ATP6V0A4: variants seen among roughly 807,000 people sequenced by gnomAD.
ATP6V0A4 encodes ATPase H+ transporting V0 subunit a4, also known as V-type proton ATPase 116 kDa subunit a 4.
In ATP6V0A4, 86 loss-of-function variants were observed where a neutral mutation model predicts 107.3. The observed-to-expected ratio is 0.80, with a 90% CI of 0.67 to 0.96. The LOEUF is 0.96. ATP6V0A4 is among the 40% of genes least tolerant of loss of function. ATP6V0A4 has a pLI of 0.00. For synonymous variants in ATP6V0A4, 353 were observed against 381.4 expected (o/e 0.93, Z 0.87); for missense variants, 908 against 1,045.6 (o/e 0.87, Z 1.81).
chr7:138,727,349 C>T (rs1001898307), intron 18 of ATP6V0A4, among the ~76,000 whole-genome samples: 7 of 152,108 alleles, frequency 4.6e-5, no homozygotes, highest in African/African-American at 1.7e-4. Flanking sequence ...GTATTTGCCA[C>T]CCTCTTTGAA....
chr7:138,743,838 C>A (rs566796535), intron 14 of ATP6V0A4, among the ~76,000 whole-genome samples: 1 of 152,296 alleles, frequency 6.6e-6, no homozygotes, highest in South Asian at 2.1e-4. Flanking sequence ...GTGGGAATCT[C>A]AGGTACGTGA....
rs755143856 is a variant in ATP6V0A4, at chr7:138,752,685, G to A, written c.969C>T (p.Ala323=). The A allele has an allele frequency of 7.4e-6, 12 of 1,613,806 alleles. No homozygotes were observed. Among genetic ancestry groups the A allele is most frequent in the Middle Eastern group, 3.3e-4 (2 of 6,064 alleles). Residue 323 remains alanine, a synonymous_variant, in exon 11 of 22, where the codon GCC becomes GCT. Transcript: ENST00000310018. Reference sequence around the variant, plus strand: ...CATCTGCCACCGGGAACCAGATCTCGGCGATGACACACTGCTGGGTGACGT... The same window carrying A: ...CATCTGCCACCGGGAACCAGATCTCAGCGATGACACACTGCTGGGTGACGT... ...NIDVTQQCVI[A]EIWFPVADAT...
At chr7:138,748,735 A>T (rs565458460) in intron 12 of ATP6V0A4, among the ~76,000 whole-genome samples, 46 of 152,282 alleles carry the variant, frequency 3.0e-4, no homozygotes, top group Non-Finnish European at 5.9e-4. Flanking sequence ...CCAAGGTAGC[A>T]AGATTCCACA....
intron 17 of ATP6V0A4, among the ~76,000 whole-genome samples, chr7:138,730,261 C>T (rs981602158): frequency 6.6e-6 from 1 of 152,124 alleles, no homozygotes; most frequent in Non-Finnish European, 1.5e-5. Flanking sequence ...CTAGTACCCG[C>T]ACACAATGCT....
chr7:138,736,080 A>G (rs1435640533), intron 15 of ATP6V0A4, among the ~76,000 whole-genome samples: 1 of 146,258 alleles, frequency 6.8e-6, no homozygotes, highest in Non-Finnish European at 1.5e-5. Context: ...AAACAAACAA[A>G]CAAACAAACA....
intron 19 of ATP6V0A4, among the ~76,000 whole-genome samples, chr7:138,717,984 GA>G (rs1357932487): frequency 1.7e-5 from 1 of 58,518 alleles, no homozygotes; most frequent in Non-Finnish European, 3.5e-5. Context: ...AAAGATCAAA[GA>G]AGCTAGAGCA....
intron 3 of ATP6V0A4, 143 bp downstream of exon 3, chr7:138,770,988 C>A (rs1807352362): frequency 2.1e-6 from 2 of 932,872 alleles, no homozygotes; most frequent in African/African-American, 3.2e-5. Context: ...GCCAGAAGCA[C>A]TAAAACTACA....
chr7:138,722,731 T>G (rs1427098369), intron 18 of ATP6V0A4, among the ~76,000 whole-genome samples: 1 of 100,408 alleles, frequency 1.0e-5, no homozygotes, highest in Non-Finnish European at 1.8e-5. Flanking sequence ...GGCGACAGAG[T>G]GAGACTCCAT....
At chr7:138,756,032 G>T (rs1806495746) in intron 9 of ATP6V0A4, 3 of 636,982 alleles carry the variant, frequency 4.7e-6, no homozygotes, top group South Asian at 1.9e-5. Flanking sequence ...CCTGTGAGTT[G>T]CTGGGTAAAT....
chr7:138,771,028 T>C (rs2117337429), intron 3 of ATP6V0A4, 103 bp downstream of exon 3: 2 of 1,167,014 alleles, frequency 1.7e-6, no homozygotes, highest in Middle Eastern at 2.1e-4. Flanking sequence ...TCACGGCTCC[T>C]CTCCCTACAA....
intron 2 of ATP6V0A4, among the ~76,000 whole-genome samples, chr7:138,774,809 C>T (rs1807582627): frequency 6.6e-6 from 1 of 151,842 alleles, no homozygotes; most frequent in South Asian, 2.1e-4. Context: ...AACCAAAACA[C>T]TCTACTTTCA....
At chr7:138,717,908 G>GAAA (rs1804130964) in intron 19 of ATP6V0A4, among the ~76,000 whole-genome samples, 2 of 73,012 alleles carry the variant, frequency 2.7e-5, no homozygotes, top group Admixed American at 1.2e-4. Context: ...ACTCTGTCTC[G>GAAA]GAAAAAAAAA....
chr7:138,752,577 C>A, intron 11 of ATP6V0A4, 48 bp downstream of exon 11: 1 of 1,607,210 alleles, frequency 6.2e-7, no homozygotes, highest in Non-Finnish European at 8.5e-7. Context: ...GAGAGCCCAG[C>A]AGAGGGGCTG....
At chr7:138,745,766 C>A (rs543148898) in intron 13 of ATP6V0A4, among the ~76,000 whole-genome samples, 1 of 146,766 alleles carries the variant, frequency 6.8e-6, no homozygotes, top group South Asian at 2.1e-4. Context: ...CCAGCCTGAC[C>A]AACATGGTGA....
At chr7:138,751,725 T>C (rs1806235863) in intron 11 of ATP6V0A4, among the ~76,000 whole-genome samples, 1 of 151,978 alleles carries the variant, frequency 6.6e-6, no homozygotes, top group South Asian at 2.1e-4. Flanking sequence ...ACAGAGTGCT[T>C]AGCCATCTCG....
chr7:138,718,626 G>GAATGGGGAGGAATGGGGAGGAA (rs1804258361), intron 19 of ATP6V0A4, among the ~76,000 whole-genome samples: 1 of 119,078 alleles, frequency 8.4e-6, no homozygotes, highest in Non-Finnish European at 1.7e-5. Flanking sequence ...GAATGGGGAG[G>GAATGGGGAGGAATGGGGAGGAA]TGCCGCCACG....
intron 14 of ATP6V0A4, among the ~76,000 whole-genome samples, chr7:138,742,779 C>T (rs564060094): frequency 2.1e-4 from 32 of 151,552 alleles, no homozygotes; most frequent in African/African-American, 7.7e-4. Flanking sequence ...GCAATCCTCC[C>T]ACTTTGGCCT....
At chr7:138,720,299 T>G (rs994504454) in intron 19 of ATP6V0A4, among the ~76,000 whole-genome samples, 35 of 152,132 alleles carry the variant, frequency 2.3e-4, no homozygotes, top group Non-Finnish European at 1.3e-4. Context: ...CACATTTGCC[T>G]GGAGACGGGA....
At chr7:138,779,957 A>G (rs1807844121) in intron 2 of ATP6V0A4, 1 of 152,178 alleles carries the variant, frequency 6.6e-6, no homozygotes, top group Non-Finnish European at 1.5e-5. Context: ...AGTATTTATA[A>G]CTACCTACAC....
Sources: gnomAD v4.1 joint callset for allele counts (sites outside exome capture counted in the v4.1 genomes callset) on GRCh38, gnomAD v4.1.1 for gene constraint, MANE v1.5 for transcripts, NCBI Gene and HGNC (gene_info 2026-07-23, HGNC 2026-07-21) for gene names.